Variants in NAV2 observed in about 807,000 individuals in gnomAD.
NAV2 encodes neuron navigator 2, also known as helicase, APC down-regulated 1.
Under a neutral mutation model 223.2 loss-of-function variants are expected in NAV2, and 54 were observed. The ratio of observed to expected loss-of-function variants is 0.24; its 90% CI spans 0.19 to 0.30. NAV2 has a LOEUF of 0.30. NAV2 is among the 10% of genes least tolerant of loss of function. NAV2 has a pLI of 1.00. For missense variants in NAV2, 2,806 were observed against 3,147.5 expected, an observed-to-expected ratio of 0.89 and a Z score of 2.60; for synonymous variants, 1,279 against 1,239.3, an observed-to-expected ratio of 1.03 and a Z score of -0.67.
intron 10 of NAV2, among the ~76,000 whole-genome samples, chr11:19,983,179 G>T (rs969704352): frequency 1.3e-5 from 2 of 152,078 alleles, no homozygotes; most frequent in Non-Finnish European, 2.9e-5. Context: ...CTCCTTTATG[G>T]GGGCTGTGAG....
chr11:19,806,603 A>G (rs530142288), intron 1 of NAV2, among the ~76,000 whole-genome samples: 26 of 152,354 alleles, frequency 1.7e-4, no homozygotes, highest in Admixed American at 1.1e-3. Flanking sequence ...GACCTTGGCC[A>G]GATCGTGTCT....
At chr11:19,660,240 C>T (rs1226201069) in intron 1 of NAV2, among the ~76,000 whole-genome samples, 4 of 152,126 alleles carry the variant, frequency 2.6e-5, no homozygotes, top group Non-Finnish European at 4.4e-5. Flanking sequence ...TGCTTTATGC[C>T]GACTTCACTC....
intron 1 of NAV2, among the ~76,000 whole-genome samples, chr11:19,645,829 G>A (rs538966338): frequency 3.9e-5 from 6 of 152,212 alleles, no homozygotes; most frequent in Non-Finnish European, 5.9e-5. Context: ...ACGCTGGTTG[G>A]ATGAGGTGGA....
intron 8 of NAV2, among the ~76,000 whole-genome samples, chr11:19,945,848 C>T (rs1378431241): frequency 6.6e-6 from 1 of 152,212 alleles, no homozygotes; most frequent in Non-Finnish European, 1.5e-5. Flanking sequence ...CCCACAGTCA[C>T]ACAGCCAGTA....
intron 1 of NAV2, among the ~76,000 whole-genome samples, chr11:19,382,079 G>A (rs1220182954): frequency 6.6e-6 from 1 of 152,192 alleles, no homozygotes; most frequent in Non-Finnish European, 1.5e-5. Context: ...GGCTTCCAGG[G>A]GGCTGCCTTA....
In NAV2 at chr11:19,629,542, GACACACACACAC is replaced by G. The variant is rs10604730; in HGVS notation, c.76-202916_76-202905del. Among the ~76,000 whole-genome samples, 38 of 134,826 alleles carry G rather than the reference GACACACACACAC, an allele frequency of 2.8e-4. No homozygotes were observed. In the South Asian group the frequency reaches 8.7e-3, roughly 31 times the overall value. The allele number at this position is 134,826 out of a possible 152,430, so 88.5% of individuals were successfully genotyped here. Reference sequence around the variant, plus strand: ...TCTTTCTTTTTTTCTCTCTCTCTCTGACACACACACACACACACACACACACACACACACACA... The same window carrying G: ...TCTTTCTTTTTTTCTCTCTCTCTCTGACACACACACACACACACACACACA... On this transcript the variant is annotated intron_variant, in intron 1 of 37. Coordinates refer to the NAV2 transcript ENST00000360655.
intron 1 of NAV2, among the ~76,000 whole-genome samples, chr11:19,653,081 T>G (rs2135669188): frequency 6.6e-6 from 1 of 152,090 alleles, no homozygotes; most frequent in East Asian, 1.9e-4. Context: ...TCCATTCCCT[T>G]CTTGAGGCTC....
At chr11:19,958,819 A>T (rs2048114597) in intron 10 of NAV2, among the ~76,000 whole-genome samples, 5 of 152,180 alleles carry the variant, frequency 3.3e-5, no homozygotes, top group African/African-American at 1.2e-4. Flanking sequence ...TTGTCATGTT[A>T]TTATGAGGTT....
At chr11:19,359,385 G>C (rs568925854) in intron 1 of NAV2, among the ~76,000 whole-genome samples, 7 of 152,330 alleles carry the variant, frequency 4.6e-5, no homozygotes, top group African/African-American at 1.7e-4. Flanking sequence ...CATGGTGACA[G>C]GTGACCTGGA....
At chr11:19,617,184 C>T (rs1284651472) in intron 1 of NAV2, among the ~76,000 whole-genome samples, 1 of 152,114 alleles carries the variant, frequency 6.6e-6, no homozygotes, top group Non-Finnish European at 1.5e-5. Context: ...TTTCTGATGA[C>T]CTAGTTGAGA....
rs769537842 is a variant in NAV2 at position 19,984,258 on chromosome 11, T to G, written c.2768+11T>G. 9.9e-6 allele frequency: 16 copies of G among 1,613,788 alleles called. No individual in the cohort carries two copies. The South Asian group carries it at 1.6e-4, about 17-fold the overall frequency. ...CGGAGACGCTGACAGGTAAGCTTGCTGCACTTGGGGCTGGTCAGATGCAGA... is the reference window on the plus strand; with the variant it reads ...CGGAGACGCTGACAGGTAAGCTTGCGGCACTTGGGGCTGGTCAGATGCAGA... On this transcript the variant is annotated intron_variant, in intron 11 of 37. Transcript: ENST00000349880.
rs201669772 is a variant in NAV2 at position 19,385,753 on chromosome 11, C to CTTTTT, written c.75+34748_75+34752dup. Among the ~76,000 whole-genome samples the CTTTTT allele has an allele frequency of 1.4e-3, 162 of 112,736 alleles. 14 individuals are homozygous for CTTTTT. The highest frequency in any genetic ancestry group is 5.0e-3 in the African/African-American group (133 of 26,420). 74.0% of individuals were successfully genotyped at this position (112,736 alleles called of 152,430 possible). ...CTCAACTGCTTTTTCAATATAGCTC[C>CTTTTT]TTTTTTTTTTTTTTTTTTTTTTTTT... is the stretch of plus-strand genomic sequence containing the variant. On this transcript the variant is annotated intron_variant, in intron 1 of 37. Transcript: ENST00000360655.
intron 5 of NAV2, among the ~76,000 whole-genome samples, chr11:19,889,959 T>A (rs1565501593): frequency 6.6e-6 from 1 of 152,238 alleles, no homozygotes; most frequent in East Asian, 1.9e-4. Context: ...CCTAGACTCA[T>A]CTATTTTCTT....
chr11:20,040,136 T>C (rs1399706112), intron 12 of NAV2, among the ~76,000 whole-genome samples: 1 of 152,152 alleles, frequency 6.6e-6, no homozygotes, highest in Non-Finnish European at 1.5e-5. Flanking sequence ...CAGATAATTA[T>C]CTCCATGGTC....
chr11:19,656,887 A>T (rs546411408), intron 1 of NAV2, among the ~76,000 whole-genome samples: 9 of 152,138 alleles, frequency 5.9e-5, no homozygotes, highest in Non-Finnish European at 1.3e-4. Context: ...TCTGTGTGTG[A>T]GGGGAAAAAA....
At position 19,714,012 on chromosome 11, in the gene NAV2, G is replaced by T. The variant is rs78777657; in HGVS notation, c.267+50G>T. On this transcript the variant is annotated intron_variant, in intron 1 of 37. Coordinates refer to ENST00000349880, the MANE Select transcript of NAV2 (RefSeq NM_145117.5). ...ACTGTTCTGGAAGGATGGATGAATA[G>T]TTCTTTCGGGATGGTGTGGGAGAAA... 1,545 of 1,598,142 alleles carry T rather than the reference G, an allele frequency of 9.7e-4. 22 individuals are homozygous for T. The African/African-American group carries it at 0.018, about 19-fold the overall frequency.
chr11:19,391,833 T>G (rs972372672), intron 1 of NAV2, among the ~76,000 whole-genome samples: 1 of 152,326 alleles, frequency 6.6e-6, no homozygotes, highest in Middle Eastern at 3.4e-3. Context: ...GACAGTACCA[T>G]GCACATAGAA....
chr11:19,397,418 T>TGCGC (rs144750630), intron 1 of NAV2, among the ~76,000 whole-genome samples: 1 of 145,264 alleles, frequency 6.9e-6, no homozygotes, highest in Non-Finnish European at 1.5e-5. Flanking sequence ...TGTGTGTGTG[T>TGCGC]GCGCGCATGT....
In NAV2 at chr11:20,101,084, G is replaced by A. The variant is rs779313458; in HGVS notation, c.6329G>A (p.Arg2110Gln). 3.3e-5 allele frequency: 54 copies of A among 1,613,992 alleles called. No individual in the cohort carries two copies. Among genetic ancestry groups the A allele is most frequent in the Middle Eastern group, 1.6e-4 (1 of 6,084 alleles). ...SGTGKTYLAN[R>Q]LSEYIVLREG... ...ACTGGGAAAACCTACCTGGCCAACC[G>A]GCTGTCTGAGTATATAGTGCTTCGA... is the stretch of plus-strand genomic sequence containing the variant. Residue 2110 changes from arginine to glutamine, a missense_variant, in exon 32 of 38, where the codon CGG (arginine) becomes CAG (glutamine). Physicochemically the swap from Arg to Gln is conservative, Grantham distance 43. This residue lies in a region of NAV2 where 824 missense variants were observed against 1,069.4 expected (regional missense o/e 0.77). Coordinates refer to ENST00000349880, the MANE Select transcript of NAV2 (RefSeq NM_145117.5).
Sources: allele counts gnomAD v4.1 joint callset (sites outside exome capture counted in the v4.1 genomes callset), GRCh38; gene constraint gnomAD v4.1.1; regional missense constraint gnomAD v4.1.1; transcripts MANE v1.5; gene names NCBI Gene and HGNC (gene_info 2026-07-23, HGNC 2026-07-21).